Variants in ONECUT2 observed in about 807,000 individuals in gnomAD.
The protein encoded by ONECUT2 is one cut homeobox 2.
A neutral mutation model predicts 27.9 loss-of-function variants in ONECUT2; 10 were observed. The observed-to-expected ratio is 0.36, with a 90% confidence interval of 0.22 to 0.61. The LOEUF is 0.61. Ranked by LOEUF, ONECUT2 falls within the 20% of genes least tolerant of loss-of-function variation. ONECUT2 has a pLI of 0.73. For synonymous variants in ONECUT2, 334 were observed against 315.1 expected (o/e 1.06, Z -0.64); for missense variants, 686 against 721.0 (o/e 0.95, Z 0.56).
chr18:57,439,968 G>A (rs1451419430), intron 1 of ONECUT2, among the ~76,000 whole-genome samples: 1 of 152,270 alleles, frequency 6.6e-6, no homozygotes, highest in Non-Finnish European at 1.5e-5. Context: ...CTTAGGCGAG[G>A]TCACAACAGA....
At position 57,476,647 on chromosome 18, in the gene ONECUT2, G is replaced by C; in HGVS notation, c.1439G>C (p.Arg480Pro). Residue 480 changes from arginine (R) to proline (P), a missense_variant, in exon 2 of 2, where the codon CGC becomes CCC. Physicochemically the swap from Arg to Pro is moderately radical, Grantham distance 103 (BLOSUM62 -2). This residue lies in a region of ONECUT2 where 77 missense variants were observed against 105.5 expected (regional missense o/e 0.73). Coordinates refer to ENST00000491143, the MANE Select transcript of ONECUT2 (RefSeq NM_004852.3). ...AACTTCTTCATGAACGCCCGGCGCC[G>C]CAGCCTGGAGAAGTGGCAAGACGAT... The part of the protein sequence containing the change: ...VSNFFMNARR[R>P]SLEKWQDDLS... 6.2e-7 allele frequency: 1 copy of C among 1,614,178 alleles called. No homozygotes were observed. The highest frequency in any genetic ancestry group is 8.5e-7 in the Non-Finnish European group (1 of 1,180,018).
intron 1 of ONECUT2, among the ~76,000 whole-genome samples, chr18:57,459,314 A>G (rs2050277290): frequency 6.6e-6 from 1 of 152,234 alleles, no homozygotes; most frequent in East Asian, 1.9e-4. Context: ...ACTACAAATC[A>G]AAGACTGTGA....
intron 1 of ONECUT2, among the ~76,000 whole-genome samples, chr18:57,462,490 GTCC>G (rs2050297396): frequency 6.6e-6 from 1 of 152,052 alleles, no homozygotes; most frequent in South Asian, 2.1e-4. Flanking sequence ...GGCTCAGGCA[GTCC>G]TCCTGCCTCA....
chr18:57,436,462 A>G lies in ONECUT2; in HGVS notation c.746A>G (p.Tyr249Cys). Reference protein sequence around the residue: ...LHNAQQSLPNYGPPGHDKMLS... With the variant: ...LHNAQQSLPNCGPPGHDKMLS... ...AACGCGCAGCAGAGTCTGCCCAACTACGGTCCGCCGGGCCACGACAAAATG... is the reference window on the plus strand; with the variant it reads ...AACGCGCAGCAGAGTCTGCCCAACTGCGGTCCGCCGGGCCACGACAAAATG... The change falls in exon 1 of 2, where the codon TAC becomes TGC. Residue 249 changes from tyrosine (Y) to cysteine (C), a missense_variant. Around this residue, in one of 4 missense-constraint regions of ONECUT2, gnomAD observed 511 missense variants for 488.1 expected, o/e 1.05. Coordinates refer to ENST00000491143, the MANE Select transcript of ONECUT2 (RefSeq NM_004852.3). The surrounding 1 kb of genome is among the most constrained non-coding windows in gnomAD (Gnocchi z 5.9). 1 of 1,613,070 alleles carries G rather than the reference A, an allele frequency of 6.2e-7. No homozygotes were observed. Among genetic ancestry groups the G allele is most frequent in the Non-Finnish European group, 8.5e-7 (1 of 1,179,816 alleles).
At chr18:57,443,414 CTCT>C (rs965427061) in intron 1 of ONECUT2, among the ~76,000 whole-genome samples, 18 of 152,258 alleles carry the variant, frequency 1.2e-4, no homozygotes, top group African/African-American at 4.3e-4. Flanking sequence ...AGGGAGACAA[CTCT>C]TCTTAGAGGG....
intron 1 of ONECUT2, among the ~76,000 whole-genome samples, chr18:57,453,187 A>C (rs2050240538): frequency 6.6e-6 from 1 of 152,206 alleles, no homozygotes; most frequent in African/African-American, 2.4e-5. Context: ...TGGTGCACAG[A>C]GGGCTACTTG....
intron 1 of ONECUT2, among the ~76,000 whole-genome samples, chr18:57,470,073 A>G (rs987141444): frequency 2.6e-5 from 4 of 152,238 alleles, no homozygotes; most frequent in East Asian, 1.9e-4. Context: ...ATATAAAACA[A>G]TAAACATCTA....
At chr18:57,444,662 C>T (rs565628143) in intron 1 of ONECUT2, among the ~76,000 whole-genome samples, 2 of 152,354 alleles carry the variant, frequency 1.3e-5, no homozygotes, top group African/African-American at 4.8e-5. Flanking sequence ...AAAGTTAAAC[C>T]AGTGAAAAGA....
chr18:57,447,890 C>T (rs796714196), intron 1 of ONECUT2, among the ~76,000 whole-genome samples: 75 of 152,286 alleles, frequency 4.9e-4, no homozygotes, highest in African/African-American at 1.8e-3. Context: ...AGTGATGAGG[C>T]TCTTTTTAAT....
At chr18:57,469,047 G>A (rs35671094) in intron 1 of ONECUT2, among the ~76,000 whole-genome samples, 7,474 of 152,208 alleles carry the variant, frequency 0.049, 672 homozygotes, top group East Asian at 0.36. Flanking sequence ...GGTTTCTCAG[G>A]GAACAAGCCC....
At position 57,436,058 on chromosome 18, in the gene ONECUT2, G is replaced by A. The variant is rs2050138348; in HGVS notation, c.342G>A (p.Leu114=). The change falls in exon 1 of 2, where the codon CTG becomes CTA. Residue 114 remains leucine (L), a synonymous_variant. Coordinates refer to ENST00000491143, the MANE Select transcript of ONECUT2 (RefSeq NM_004852.3). The surrounding 1 kb of genome is among the most constrained non-coding windows in gnomAD (Gnocchi z 5.9). ...SAMVTSMASI[L]DGGDYRPELS... ...TGGTCACCAGCATGGCCTCGATCCT[G>A]GACGGCGGCGACTACCGGCCCGAGC... is the stretch of plus-strand genomic sequence containing the variant. 5.0e-6 allele frequency: 8 copies of A among 1,594,316 alleles called. No homozygotes were observed. The highest frequency in any genetic ancestry group is 6.8e-6 in the Non-Finnish European group (8 of 1,176,916).
Position 57,476,437 on chromosome 18 carries a change from C to G in ONECUT2, c.1229C>G (p.Ala410Gly). 1.2e-6 allele frequency: 2 copies of G among 1,613,332 alleles called. No homozygotes were observed. Among genetic ancestry groups the G allele is most frequent in the Non-Finnish European group, 1.7e-6 (2 of 1,179,480 alleles). Residue 410 changes from alanine (A) to glycine (G), a missense_variant and splice_region_variant, in exon 2 of 2, where the codon GCG becomes GGG. By Grantham distance (60) the Ala-to-Gly change is moderately conservative. Around this residue, in one of 4 missense-constraint regions of ONECUT2, gnomAD observed 51 missense variants for 41.3 expected, o/e 1.23. Transcript: ENST00000491143. ...FQRMSALRLA[A>G]CKRKEQEPNK... ...TCTCCTTCTTCTCTTTCCCTTCAAG[C>G]GTGCAAACGCAAAGAGCAAGAACCA...
chr18:57,444,373 C>T lies in ONECUT2; in HGVS notation c.1228+7429C>T, dbSNP rs191238551. The T allele has an allele frequency of 1.2e-4, 56 of 456,614 alleles. 1 individual carries two copies. The East Asian group carries it at 1.3e-3, about 11-fold the overall frequency. 28.3% of individuals were successfully genotyped at this position (456,614 alleles called of 1,614,324 possible). On this transcript the variant is annotated intron_variant, in intron 1 of 1. Coordinates refer to ENST00000491143, the MANE Select transcript of ONECUT2 (RefSeq NM_004852.3). ...CCTGTTTGACGGCTCATTTTTCTGC[C>T]GTATTTGGAGAGGCCACAGGCAGCA...
chr18:57,481,852 T>G lies in ONECUT2; in HGVS notation c.*5129T>G, dbSNP rs1333033190. ...CCACAAGGCCCAGGCACAACTACCT[T>G]GGCGATAATCTTCTAGATTCGTAAC... On this transcript the variant is annotated 3_prime_UTR_variant, in exon 2 of 2. Transcript: ENST00000491143. 6.6e-6 allele frequency: 1 copy of G among 152,196 alleles called. No homozygotes were observed. The highest frequency in any genetic ancestry group is 2.4e-5 in the African/African-American group (1 of 41,432). 9.4% of individuals were successfully genotyped at this position (152,196 alleles called of 1,614,324 possible).
At position 57,436,697 on chromosome 18, in the gene ONECUT2, G is replaced by C. The variant is rs201536137; in HGVS notation, c.981G>C (p.Ser327=). The C allele has an allele frequency of 8.1e-6, 13 of 1,613,358 alleles. No individual in the cohort carries two copies. Among genetic ancestry groups the C allele is most frequent in the Non-Finnish European group, 1.1e-5 (13 of 1,179,998 alleles). The change falls in exon 1 of 2, where the codon TCG becomes TCC. Residue 327 remains serine (S), a synonymous_variant. Coordinates refer to ENST00000491143, the MANE Select transcript of ONECUT2 (RefSeq NM_004852.3). The surrounding 1 kb of genome is among the most constrained non-coding windows in gnomAD (Gnocchi z 5.9). ...CATCGGGCTCGCAGGTGGCCACGTC[G>C]GGCCAGCTGGAAGAAATCAACACCA... ...SSSSGSQVAT[S]GQLEEINTKE... is the part of the protein sequence containing the mutation.
In ONECUT2 at chr18:57,478,093, G is replaced by C. The variant is rs1300348045; in HGVS notation, c.*1370G>C. 6.6e-6 allele frequency: 1 copy of C among 152,636 alleles called. No homozygotes were observed. The highest frequency in any genetic ancestry group is 1.5e-5 in the Non-Finnish European group (1 of 68,050). 9.5% of individuals were successfully genotyped at this position (152,636 alleles called of 1,614,324 possible). On this transcript the variant is annotated 3_prime_UTR_variant, in exon 2 of 2. Transcript: ENST00000491143. ...TACTTTTAGAAATCAGAAAACCTCT[G>C]CAACTCCGAATGGCATTCAGCTCTT...
chr18:57,452,023 ATT>A (rs1269468539), intron 1 of ONECUT2, among the ~76,000 whole-genome samples: 11 of 152,036 alleles, frequency 7.2e-5, no homozygotes, highest in Non-Finnish European at 1.5e-4. Flanking sequence ...ATTTTAGCTC[ATT>A]TATTCTTGGA....
intron 1 of ONECUT2, among the ~76,000 whole-genome samples, chr18:57,455,286 C>G (rs910222391): frequency 3.9e-5 from 6 of 152,276 alleles, no homozygotes; most frequent in African/African-American, 1.2e-4. Context: ...GAAAGAAAAC[C>G]TGTAGACATC....
intron 1 of ONECUT2, among the ~76,000 whole-genome samples, chr18:57,451,278 T>G (rs1051913790): frequency 2.0e-5 from 3 of 152,238 alleles, no homozygotes; most frequent in African/African-American, 7.2e-5. Flanking sequence ...TGCCTTGAAT[T>G]GAATGCATTG....
Sources: gnomAD v4.1 joint callset for allele counts (sites outside exome capture counted in the v4.1 genomes callset) on GRCh38, gnomAD v4.1.1 for gene constraint, gnomAD v4.1.1 regional missense constraint, Gnocchi (gnomAD v3.1) non-coding constraint, MANE v1.5 for transcripts, NCBI Gene and HGNC (gene_info 2026-07-23, HGNC 2026-07-21) for gene names.